Variants in THSD7B observed in about 807,000 individuals in gnomAD.
THSD7B encodes the protein thrombospondin type 1 domain containing 7B, also known as thrombospondin type-1 domain-containing protein 7B.
Under a neutral mutation model 213.6 loss-of-function variants are expected in THSD7B, and 138 were observed. The observed-to-expected ratio is 0.65, with a 90% CI of 0.56 to 0.74. The LOEUF (loss-of-function observed/expected upper bound fraction) is 0.74. THSD7B is among the 30% of genes least tolerant of loss of function. The pLI is 0.00. For missense variants in THSD7B, 1,931 were observed against 1,991.5 expected (o/e 0.97, Z 0.58); for synonymous variants, 742 against 687.0 (o/e 1.08, Z -1.25).
At chr2:137,396,622 G>C (rs1001452690) in intron 12 of THSD7B, among the ~76,000 whole-genome samples, 54 of 139,228 alleles carry the variant, frequency 3.9e-4, no homozygotes, top group African/African-American at 1.4e-3. Context: ...GTGTGGTGCT[G>C]AAAAAAATGT....
At chr2:137,140,963 G>A (rs1198029478) in intron 5 of THSD7B, among the ~76,000 whole-genome samples, 1 of 152,172 alleles carries the variant, frequency 6.6e-6, no homozygotes, top group East Asian at 1.9e-4. Context: ...TGATATTTAA[G>A]TAGAGACTTA....
intron 17 of THSD7B, among the ~76,000 whole-genome samples, chr2:137,586,476 G>A (rs937014486): frequency 1.3e-5 from 2 of 152,184 alleles, no homozygotes; most frequent in African/African-American, 4.8e-5. Context: ...GGTGGTACCG[G>A]TTGTTCCTTT....
intron 2 of THSD7B, among the ~76,000 whole-genome samples, chr2:137,052,502 T>C (rs1479399503): frequency 2.0e-5 from 3 of 152,122 alleles, no homozygotes; most frequent in African/African-American, 7.2e-5. Flanking sequence ...TAGTTTCTTA[T>C]GTATTTCTTT....
intron 1 of THSD7B, among the ~76,000 whole-genome samples, chr2:136,861,614 A>G (rs1683260389): frequency 6.6e-6 from 1 of 152,226 alleles, no homozygotes; most frequent in South Asian, 2.1e-4. Context: ...CACCAGCAGA[A>G]TAATCAAATG....
Position 137,115,309 on chromosome 2 carries a change from C to A in THSD7B, c.1369+16C>A. ...GCCAAGGAAGGTAGGCAGCCAGTTC[C>A]GGGACAGATGGTGCACTGCTGGTTG... On this transcript the variant is annotated intron_variant, in intron 5 of 27. Coordinates refer to ENST00000409968, the MANE Select transcript of THSD7B (RefSeq NM_001316349.2). The A allele has an allele frequency of 6.5e-7, 1 of 1,531,536 alleles. No homozygotes were observed. The highest frequency in any genetic ancestry group is 2.2e-5 in the Admixed American group (1 of 46,256). 94.9% of individuals were successfully genotyped at this position (1,531,536 alleles called of 1,614,324 possible). A position where few individuals can be genotyped will look rare whatever the true frequency, so the allele number is the denominator to read the frequency against.
intron 2 of THSD7B, among the ~76,000 whole-genome samples, chr2:136,989,002 A>G (rs1244500393): frequency 6.6e-6 from 1 of 152,250 alleles, no homozygotes; most frequent in Non-Finnish European, 1.5e-5. Context: ...GGTCAATGAT[A>G]CAATGAAATG....
intron 1 of THSD7B, among the ~76,000 whole-genome samples, chr2:136,851,793 A>C (rs1469340959): frequency 3.9e-5 from 6 of 152,160 alleles, no homozygotes; most frequent in African/African-American, 1.4e-4. Context: ...ATATTGGCTA[A>C]GCTCCAAATC....
chr2:137,573,821 T>C (rs1280562626), intron 17 of THSD7B, among the ~76,000 whole-genome samples: 1 of 152,082 alleles, frequency 6.6e-6, no homozygotes, highest in African/African-American at 2.4e-5. Context: ...AGAATGAACA[T>C]TATTCTATTG....
chr2:137,165,810 A>C (rs1175348333), intron 6 of THSD7B, among the ~76,000 whole-genome samples: 1 of 151,928 alleles, frequency 6.6e-6, no homozygotes. Flanking sequence ...TACACACAGA[A>C]AGATGGAGTA....
chr2:136,835,834 G>A (rs1682833030), intron 1 of THSD7B, among the ~76,000 whole-genome samples: 2 of 152,172 alleles, frequency 1.3e-5, no homozygotes, highest in South Asian at 4.1e-4. Flanking sequence ...ATAAAGGACT[G>A]AATCTATCCC....
At chr2:137,132,524 G>A (rs1413216885) in intron 5 of THSD7B, among the ~76,000 whole-genome samples, 1 of 152,100 alleles carries the variant, frequency 6.6e-6, no homozygotes, top group East Asian at 1.9e-4. Flanking sequence ...ACTGTGCCCA[G>A]TATTAAGTGA....
chr2:136,896,254 T>C (rs184876870), intron 2 of THSD7B, among the ~76,000 whole-genome samples: 260 of 152,314 alleles, frequency 1.7e-3, no homozygotes, highest in African/African-American at 6.1e-3. Flanking sequence ...ATTGTCTTTT[T>C]GATTGTAGTT....
At chr2:137,117,159 A>G (rs1688460078) in intron 5 of THSD7B, among the ~76,000 whole-genome samples, 1 of 152,078 alleles carries the variant, frequency 6.6e-6, no homozygotes, top group Non-Finnish European at 1.5e-5. Flanking sequence ...AGTTGTTATC[A>G]AAGGTTTTAT....
intron 2 of THSD7B, among the ~76,000 whole-genome samples, chr2:136,970,191 T>G (rs1225369822): frequency 6.6e-6 from 1 of 152,112 alleles, no homozygotes; most frequent in Non-Finnish European, 1.5e-5. Context: ...TGGCCAGGCA[T>G]GGTGGCTCAT....
At chr2:137,562,651 T>C (rs1398802763) in intron 15 of THSD7B, among the ~76,000 whole-genome samples, 1 of 150,438 alleles carries the variant, frequency 6.6e-6, no homozygotes. Context: ...AGCTACACTC[T>C]GAAAACATCC....
intron 4 of THSD7B, among the ~76,000 whole-genome samples, chr2:137,104,119 C>A (rs370038257): frequency 3.9e-5 from 6 of 152,116 alleles, no homozygotes; most frequent in East Asian, 1.9e-4. Flanking sequence ...TAAAATTGAC[C>A]ATGCCATTGG....
intron 7 of THSD7B, among the ~76,000 whole-genome samples, chr2:137,175,023 G>T (rs984901580): frequency 4.6e-5 from 7 of 152,308 alleles, no homozygotes; most frequent in African/African-American, 1.7e-4. Context: ...ACTGGTGATT[G>T]ATCAAAGTTT....
intron 1 of THSD7B, among the ~76,000 whole-genome samples, chr2:136,842,151 T>C (rs1279399959): frequency 1.3e-5 from 2 of 152,216 alleles, no homozygotes; most frequent in East Asian, 1.9e-4. Context: ...TCTTGCACTC[T>C]TGCATTATCA....
intron 11 of THSD7B, among the ~76,000 whole-genome samples, chr2:137,272,984 G>T (rs1026399933): frequency 6.7e-6 from 1 of 150,038 alleles, no homozygotes; most frequent in Non-Finnish European, 1.5e-5. Context: ...TTATCTGGGG[G>T]CTGGGAGAAG....
Sources: allele counts gnomAD v4.1 joint callset (sites outside exome capture counted in the v4.1 genomes callset), GRCh38; gene constraint gnomAD v4.1.1; transcripts MANE v1.5; gene names NCBI Gene and HGNC (gene_info 2026-07-23, HGNC 2026-07-21).